RAPGEF4: variants seen among roughly 807,000 people sequenced by gnomAD.
RAPGEF4 encodes the protein RAP guanine-nucleotide-exchange factor (GEF) 4.
A neutral mutation model predicts 147.9 loss-of-function variants in RAPGEF4; 66 were observed. The ratio of observed to expected loss-of-function variants is 0.45; its 90% CI spans 0.37 to 0.55. The LOEUF (loss-of-function observed/expected upper bound fraction) is 0.55, where lower values mean the gene tolerates loss of function less well. Ranked by LOEUF, RAPGEF4 falls within the 20% of genes least tolerant of loss-of-function variation. RAPGEF4 has a pLI of 0.00. For synonymous variants in RAPGEF4, 419 were observed against 442.7 expected (o/e 0.95, Z 0.67); for missense variants, 1,071 against 1,257.3 (o/e 0.85, Z 2.24).
At chr2:172,910,249 C>A (rs1226385184) in intron 4 of RAPGEF4, among the ~76,000 whole-genome samples, 2 of 152,212 alleles carry the variant, frequency 1.3e-5, no homozygotes, top group Non-Finnish European at 2.9e-5. Context: ...CCTTATGCCC[C>A]AATCCTCTCC....
At chr2:172,762,158 T>C (rs1017962145) in intron 1 of RAPGEF4, among the ~76,000 whole-genome samples, 3 of 152,192 alleles carry the variant, frequency 2.0e-5, no homozygotes, top group Non-Finnish European at 4.4e-5. Context: ...CTTTCTTCTA[T>C]GCACCAGAAT....
At chr2:172,823,410 T>C (rs1055918639) in intron 4 of RAPGEF4, among the ~76,000 whole-genome samples, 3 of 152,234 alleles carry the variant, frequency 2.0e-5, no homozygotes, top group Admixed American at 6.5e-5. Flanking sequence ...TTTTTTGTTG[T>C]TCAGCCATCA....
intron 1 of RAPGEF4, among the ~76,000 whole-genome samples, chr2:172,763,789 A>G (rs1200235664): frequency 1.3e-5 from 2 of 152,332 alleles, no homozygotes; most frequent in African/African-American, 4.8e-5. Flanking sequence ...GTTTAATGCA[A>G]TGAAAATATT....
intron 8 of RAPGEF4, among the ~76,000 whole-genome samples, chr2:172,962,689 T>C (rs1484897174): frequency 6.6e-6 from 1 of 152,076 alleles, no homozygotes; most frequent in Non-Finnish European, 1.5e-5. Context: ...TGACCGAATT[T>C]TGGAAATGAG....
At chr2:172,783,992 T>C (rs1449766332) in intron 1 of RAPGEF4, among the ~76,000 whole-genome samples, 1 of 152,226 alleles carries the variant, frequency 6.6e-6, no homozygotes, top group Non-Finnish European at 1.5e-5. Context: ...TGAAGTCTTT[T>C]TAGAAATTTC....
intron 4 of RAPGEF4, 93 bp downstream of exon 4, chr2:172,814,518 T>A (rs1247838047): frequency 4.9e-6 from 7 of 1,432,594 alleles, no homozygotes; most frequent in Non-Finnish European, 5.9e-6. Context: ...AGCCTTAATG[T>A]GTTCTGTTCT....
chr2:172,787,599 C>CTTTATTTA (rs60645567), intron 1 of RAPGEF4, among the ~76,000 whole-genome samples: 28,965 of 145,230 alleles, frequency 0.2, 2,987 homozygotes, highest in East Asian at 0.23. Context: ...AAACAAAGTG[C>CTTTATTTA]TTTATTTATT....
intron 29 of RAPGEF4, among the ~76,000 whole-genome samples, chr2:173,044,263 G>T (rs1263635250): frequency 7.9e-6 from 1 of 126,624 alleles, no homozygotes; most frequent in Non-Finnish European, 1.6e-5. Flanking sequence ...AACTGTCATG[G>T]CGCCGGGGGG....
chr2:172,745,710 A>G lies in RAPGEF4; in HGVS notation c.65+9662A>G, dbSNP rs529318375. On this transcript the variant is annotated intron_variant, in intron 1 of 30. Coordinates refer to ENST00000397081, the MANE Select transcript of RAPGEF4 (RefSeq NM_007023.4). ...AGCTTCAATTTCTCATTTTCAACAC[A>G]AGGAAGCACAGGTATTTTTTTATTC... 2.0e-5 allele frequency among the ~76,000 whole-genome samples: 3 copies of G among 152,148 alleles called. No homozygotes were observed. The South Asian group carries it at 6.2e-4, about 31-fold the overall frequency.
At chr2:173,028,328 C>T (rs1696853620) in intron 25 of RAPGEF4, among the ~76,000 whole-genome samples, 1 of 152,198 alleles carries the variant, frequency 6.6e-6, no homozygotes, top group Admixed American at 6.5e-5. Context: ...GGGACAAATG[C>T]CTTCACATAT....
chr2:172,968,958 A>G (rs1262505695), intron 10 of RAPGEF4, among the ~76,000 whole-genome samples: 1 of 152,088 alleles, frequency 6.6e-6, no homozygotes, highest in Non-Finnish European at 1.5e-5. Context: ...CCTTGCTGCC[A>G]CCTGCATCCA....
chr2:172,784,224 G>A (rs1027888215), intron 1 of RAPGEF4, among the ~76,000 whole-genome samples: 14 of 152,110 alleles, frequency 9.2e-5, no homozygotes, highest in African/African-American at 3.4e-4. Context: ...ACGAACTATA[G>A]AAATGATTCC....
intron 6 of RAPGEF4, among the ~76,000 whole-genome samples, chr2:172,942,556 C>A (rs2105336596): frequency 2.3e-5 from 3 of 128,856 alleles, no homozygotes; most frequent in South Asian, 2.5e-4. Flanking sequence ...CTGCTTAGAT[C>A]TTAGAGTCTG....
At chr2:172,851,235 T>C (rs1692784619) in intron 4 of RAPGEF4, among the ~76,000 whole-genome samples, 1 of 152,250 alleles carries the variant, frequency 6.6e-6, no homozygotes, top group African/African-American at 2.4e-5. Flanking sequence ...AATTTCCATG[T>C]AATTTTATGG....
intron 4 of RAPGEF4, among the ~76,000 whole-genome samples, chr2:172,832,105 T>C (rs768861373): frequency 6.6e-6 from 1 of 152,228 alleles, no homozygotes; most frequent in Non-Finnish European, 1.5e-5. Context: ...GCAGGAATAA[T>C]AGTGTGAAAT....
chr2:172,841,737 T>C (rs1691617123), intron 4 of RAPGEF4, among the ~76,000 whole-genome samples: 1 of 151,744 alleles, frequency 6.6e-6, no homozygotes, highest in Non-Finnish European at 1.5e-5. Flanking sequence ...GATTTAATTA[T>C]TAGTGAGGGA....
intron 1 of RAPGEF4, among the ~76,000 whole-genome samples, chr2:172,768,050 G>A (rs1420904478): frequency 1.3e-5 from 2 of 152,020 alleles, no homozygotes; most frequent in Non-Finnish European, 2.9e-5. Flanking sequence ...GACCTCAAGT[G>A]ATCTGCCCGC....
At chr2:173,002,920 C>T (rs1237123413) in intron 17 of RAPGEF4, among the ~76,000 whole-genome samples, 1 of 152,164 alleles carries the variant, frequency 6.6e-6, no homozygotes, top group Non-Finnish European at 1.5e-5. Flanking sequence ...TGAACAAATT[C>T]AGGATGTCTG....
intron 1 of RAPGEF4, among the ~76,000 whole-genome samples, chr2:172,789,676 T>C (rs1263828972): frequency 6.6e-6 from 1 of 152,240 alleles, no homozygotes; most frequent in Non-Finnish European, 1.5e-5. Flanking sequence ...TCTATGAATT[T>C]GACTATTTTA....
Sources: allele counts gnomAD v4.1 joint callset (sites outside exome capture counted in the v4.1 genomes callset), GRCh38; gene constraint gnomAD v4.1.1; transcripts MANE v1.5; gene names NCBI Gene and HGNC (gene_info 2026-07-23, HGNC 2026-07-21).